PYHIN1: variants seen among roughly 807,000 people sequenced by gnomAD.
PYHIN1 encodes pyrin and HIN domain-containing protein 1.
Under a neutral mutation model 43.7 loss-of-function variants are expected in PYHIN1, and 32 were observed. The observed-to-expected ratio is 0.73, with a 90% CI of 0.55 to 0.98. The LOEUF is 0.98. PYHIN1 is among the 50% of genes least tolerant of loss of function. The pLI, the probability that PYHIN1 is intolerant of heterozygous loss-of-function variation, is 0.00. For missense variants in PYHIN1, 588 were observed against 589.5 expected (o/e 1.00, Z 0.03); for synonymous variants, 205 against 203.1 (o/e 1.01, Z -0.08).
chr1:158,952,231 C>T (rs1446014493), intron 7 of PYHIN1, among the ~76,000 whole-genome samples: 2 of 151,346 alleles, frequency 1.3e-5, no homozygotes, highest in East Asian at 2.0e-4. Context: ...GGCTTCCTGT[C>T]GCAGCAGCTG....
intron 7 of PYHIN1, among the ~76,000 whole-genome samples, chr1:158,960,652 A>G (rs1650266451): frequency 6.6e-6 from 1 of 152,204 alleles, no homozygotes. Context: ...TATAGGTTCT[A>G]TATGGATTGG....
Position 158,966,038 on chromosome 1 carries a change from A to C in PYHIN1, c.1360-7609A>C, listed in dbSNP as rs368181939. Among the ~76,000 whole-genome samples, 3 of 152,162 alleles carry C rather than the reference A, an allele frequency of 2.0e-5. No individual in the cohort carries two copies. The East Asian group carries it at 5.8e-4, about 29-fold the overall frequency. On this transcript the variant is annotated intron_variant, in intron 7 of 8. Transcript: ENST00000368140. Reference sequence around the variant, plus strand: ...AAATAAACACAATTAGAAATGACCAAGGGAAATTACCACTGACCCCACAGA... The same window carrying C: ...AAATAAACACAATTAGAAATGACCACGGGAAATTACCACTGACCCCACAGA...
chr1:158,986,624 G>A, the PYHIN1 span, among the ~76,000 whole-genome samples: 8 of 152,212 alleles, frequency 5.3e-5, no homozygotes, highest in Non-Finnish European at 1.0e-4. Context: ...CTCTGAGAGA[G>A]GCCAGCAGAT....
intron 8 of PYHIN1, among the ~76,000 whole-genome samples, chr1:158,975,248 A>G (rs1651189724): frequency 6.6e-6 from 1 of 151,936 alleles, no homozygotes; most frequent in African/African-American, 2.4e-5. Context: ...TGTTTGTATT[A>G]ATTATTAATT....
intron 7 of PYHIN1, among the ~76,000 whole-genome samples, chr1:158,957,465 T>C (rs1238968986): frequency 2.6e-5 from 4 of 151,562 alleles, no homozygotes; most frequent in African/African-American, 7.3e-5. Context: ...TCTACAACTA[T>C]CTGATCTTTG....
At chr1:158,986,982 T>C in the PYHIN1 span, among the ~76,000 whole-genome samples, 2 of 152,226 alleles carry the variant, frequency 1.3e-5, no homozygotes, top group Admixed American at 6.5e-5. Context: ...AAGAAACCTC[T>C]ATAATGTTTT....
intron 7 of PYHIN1, among the ~76,000 whole-genome samples, chr1:158,947,382 T>C (rs1649281209): frequency 6.6e-6 from 1 of 152,210 alleles, no homozygotes; most frequent in Admixed American, 6.5e-5. Flanking sequence ...CTTTCATCCT[T>C]TCACTTTGTT....
intron 7 of PYHIN1, among the ~76,000 whole-genome samples, chr1:158,951,344 A>C (rs1319123918): frequency 2.0e-5 from 3 of 151,930 alleles, no homozygotes; most frequent in Admixed American, 1.3e-4. Context: ...GTGTACGTTG[A>C]TCTAGCAATT....
At chr1:158,938,720 A>G (rs1648716131) in intron 3 of PYHIN1, among the ~76,000 whole-genome samples, 178 bp downstream of exon 3, 2 of 152,256 alleles carry the variant, frequency 1.3e-5, no homozygotes, top group African/African-American at 4.8e-5. Context: ...TAAACGCTTT[A>G]GTAAACATAA....
At position 158,933,623 on chromosome 1, in the gene PYHIN1, T is replaced by C. The variant is rs1399166832; in HGVS notation, c.-21+1847T>C. Among the ~76,000 whole-genome samples, 2 of 152,124 alleles carry C rather than the reference T, an allele frequency of 1.3e-5. No homozygotes were observed. Among genetic ancestry groups the C allele is most frequent in the Non-Finnish European group, 2.9e-5 (2 of 67,966 alleles). On this transcript the variant is annotated intron_variant, in intron 1 of 8. Transcript: ENST00000368140. This position sits in a 1 kb window ranked among gnomAD's most constrained non-coding sequence, Gnocchi z 6.3. Reference sequence around the variant, plus strand: ...GTTAACCTCTTTATGTATAGGCTAATAATTAACATATTTTGGCCTGCTTCT... The same window carrying C: ...GTTAACCTCTTTATGTATAGGCTAACAATTAACATATTTTGGCCTGCTTCT...
chr1:158,952,229 G>A (rs142688986), intron 7 of PYHIN1, among the ~76,000 whole-genome samples: 12 of 150,780 alleles, frequency 8.0e-5, no homozygotes, highest in African/African-American at 2.9e-4. Context: ...CTGGCTTCCT[G>A]TCGCAGCAGC....
intron 7 of PYHIN1, among the ~76,000 whole-genome samples, chr1:158,960,573 T>C (rs1325606511): frequency 6.6e-6 from 1 of 152,222 alleles, no homozygotes; most frequent in Non-Finnish European, 1.5e-5. Flanking sequence ...ACTACTTACT[T>C]ATGGCTCACT....
chr1:158,971,036 T>C (rs1010373504), intron 7 of PYHIN1, among the ~76,000 whole-genome samples: 1 of 151,998 alleles, frequency 6.6e-6, no homozygotes, highest in Admixed American at 6.6e-5. Context: ...AGAGTAGATA[T>C]TAAAATATCT....
chr1:158,975,056 C>T (rs1215728990), intron 8 of PYHIN1, among the ~76,000 whole-genome samples: 3 of 151,954 alleles, frequency 2.0e-5, no homozygotes, highest in Non-Finnish European at 2.9e-5. Context: ...CTCCCTTAGC[C>T]CAGGAATCTC....
intron 8 of PYHIN1, among the ~76,000 whole-genome samples, chr1:158,974,997 A>G (rs956570428): frequency 3.3e-5 from 5 of 152,052 alleles, no homozygotes; most frequent in Non-Finnish European, 7.4e-5. Context: ...TTAAATACGC[A>G]TTATGGTCTG....
chr1:158,965,994 A>G (rs1650610366), intron 7 of PYHIN1, among the ~76,000 whole-genome samples: 1 of 152,056 alleles, frequency 6.6e-6, no homozygotes, highest in African/African-American at 2.4e-5. Context: ...TAGATAGACT[A>G]AAAAAAGAGA....
intron 7 of PYHIN1, among the ~76,000 whole-genome samples, chr1:158,945,718 G>T (rs72704921): frequency 1.3e-5 from 2 of 151,980 alleles, no homozygotes; most frequent in Non-Finnish European, 2.9e-5. Flanking sequence ...CCCTTAATAG[G>T]GTCAGTGTAG....
the PYHIN1 span, among the ~76,000 whole-genome samples, chr1:158,984,028 G>GTTTTTTTTTTTTTTTTTTTTT: frequency 1.8e-5 from 2 of 111,208 alleles, no homozygotes; most frequent in African/African-American, 3.5e-5. Flanking sequence ...ATCTTCTCCT[G>GTTTTTTTTTTTTTTTTTTTTT]TTTTTTTTTT....
downstream of PYHIN1, among the ~76,000 whole-genome samples, chr1:158,978,545 T>C (rs1168083501): frequency 1.3e-5 from 2 of 152,182 alleles, no homozygotes; most frequent in African/African-American, 4.8e-5. Flanking sequence ...GCAAATGATA[T>C]TGGTATTCTG....
Sources: gnomAD v4.1 joint callset for allele counts (sites outside exome capture counted in the v4.1 genomes callset) on GRCh38, gnomAD v4.1.1 for gene constraint, Gnocchi (gnomAD v3.1) non-coding constraint, MANE v1.5 for transcripts, NCBI Gene and HGNC (gene_info 2026-07-23, HGNC 2026-07-21) for gene names.